DNAAF4: variants seen among roughly 807,000 people sequenced by gnomAD.
The protein encoded by DNAAF4 is dynein assembly factor 4, axonemal.
A neutral mutation model predicts 51.8 loss-of-function variants in DNAAF4; 43 were observed. That is an observed-to-expected ratio of 0.83 (90% CI 0.65 to 1.07). The LOEUF is 1.07. Among genes scored for constraint, DNAAF4 ranks in the 50% least tolerant of loss-of-function variants. The pLI is 0.00. For missense variants in DNAAF4, 581 were observed against 493.0 expected (o/e 1.18, Z -1.69); for synonymous variants, 194 against 165.6 (o/e 1.17, Z -1.32).
At chr15:55,481,319 C>T (rs141495675) in intron 4 of DNAAF4, among the ~76,000 whole-genome samples, 124 of 152,246 alleles carry the variant, frequency 8.1e-4, no homozygotes, top group Middle Eastern at 6.8e-3. Flanking sequence ...GCTGACCAGG[C>T]CTCTAAAATA....
At chr15:55,435,419 T>TC (rs1228467867) in intron 7 of DNAAF4, among the ~76,000 whole-genome samples, 1 of 152,144 alleles carries the variant, frequency 6.6e-6, no homozygotes, top group East Asian at 1.9e-4. Context: ...GGCAAATTTC[T>TC]CCCCCTGCTG....
chr15:55,500,516 T>C (rs1409268178), intron 1 of DNAAF4, among the ~76,000 whole-genome samples: 1 of 152,156 alleles, frequency 6.6e-6, no homozygotes, highest in African/African-American at 2.4e-5. Context: ...TATACAGAAA[T>C]ATGTGAGATT....
At chr15:55,475,636 G>C (rs2058325492) in intron 4 of DNAAF4, among the ~76,000 whole-genome samples, 1 of 152,122 alleles carries the variant, frequency 6.6e-6, no homozygotes, top group South Asian at 2.1e-4. Flanking sequence ...CACTTCCTTT[G>C]AGCATTGTGT....
chr15:55,443,498 C>T (rs184762169), intron 6 of DNAAF4: 8 of 502,820 alleles, frequency 1.6e-5, no homozygotes, highest in African/African-American at 7.7e-5. Context: ...AATAGTGCTG[C>T]AATAAACATA....
At chr15:55,450,521 T>C (rs2057915981) in intron 5 of DNAAF4, among the ~76,000 whole-genome samples, 154 bp from the exon 6 acceptor site, 1 of 152,192 alleles carries the variant, frequency 6.6e-6, no homozygotes, top group South Asian at 2.1e-4. Flanking sequence ...AATTTAGCAA[T>C]GATAATATAG....
chr15:55,428,742 G>T (rs920343384), downstream of DNAAF4, among the ~76,000 whole-genome samples: 23 of 150,984 alleles, frequency 1.5e-4, no homozygotes, highest in Non-Finnish European at 1.6e-4. Flanking sequence ...TGATCTGCCT[G>T]CCTCAGCCTC....
chr15:55,450,233 C>T lies in DNAAF4; in HGVS notation c.772G>A (p.Glu258Lys). The T allele has an allele frequency of 6.2e-7, 1 of 1,610,874 alleles. No homozygotes were observed. ...GTAAGTATATATACCTCCTCCTCTT[C>T]TGCTACTTGTGATTCACGAAGAGCT... is the stretch of plus-strand genomic sequence containing the variant. ...PTALRESQVAEEEEWLHKQAE... is the reference protein window; with the variant it reads ...PTALRESQVAKEEEWLHKQAE... Residue 258 changes from glutamate to lysine, a missense_variant, in exon 6 of 10, where the codon GAA becomes AAA. Coordinates refer to ENST00000321149, the MANE Select transcript of DNAAF4 (RefSeq NM_130810.4).
At chr15:55,456,920 G>A (rs1272227982) in intron 5 of DNAAF4, among the ~76,000 whole-genome samples, 1 of 152,212 alleles carries the variant, frequency 6.6e-6, no homozygotes, top group African/African-American at 2.4e-5. Context: ...AGAGGTCCTT[G>A]GAGACGGGAA....
chr15:55,463,213 A>C (rs561516590), intron 5 of DNAAF4, among the ~76,000 whole-genome samples: 4 of 108,940 alleles, frequency 3.7e-5, no homozygotes, highest in African/African-American at 1.1e-4. Context: ...CACACACACA[A>C]AGCATTTGAC....
intron 1 of DNAAF4, among the ~76,000 whole-genome samples, chr15:55,504,789 TA>T (rs1312186313): frequency 2.6e-5 from 4 of 152,208 alleles, no homozygotes; most frequent in Non-Finnish European, 5.9e-5. Context: ...ATTAAAGACT[TA>T]AATGTAAGAC....
intron 5 of DNAAF4, among the ~76,000 whole-genome samples, chr15:55,456,082 CTT>C (rs772918466): frequency 5.7e-5 from 8 of 141,304 alleles, no homozygotes; most frequent in Non-Finnish European, 7.8e-5. Context: ...CTAAATATTT[CTT>C]TTTTTTTTTT....
In DNAAF4 at chr15:55,434,892, T is replaced by C. The variant is rs199684316; in HGVS notation, c.1047+13A>G. 38 of 1,592,474 alleles carry C rather than the reference T, an allele frequency of 2.4e-5. No homozygotes were observed. In the African/African-American group the frequency reaches 4.7e-4, roughly 20 times the overall value. On this transcript the variant is annotated intron_variant, in intron 8 of 9. Transcript: ENST00000321149. ...TATTTAAAGCACCATATATCATACATAGATATCCATACCTTAGAAGAATCT... is the reference window on the plus strand; with the variant it reads ...TATTTAAAGCACCATATATCATACACAGATATCCATACCTTAGAAGAATCT...
chr15:55,472,883 C>G (rs1450557249), intron 4 of DNAAF4, among the ~76,000 whole-genome samples: 2 of 151,546 alleles, frequency 1.3e-5, no homozygotes, highest in African/African-American at 2.4e-5. Context: ...TTAGCAAACT[C>G]AGCCCGGCAT....
At chr15:55,507,500 G>T (rs996635564) in intron 1 of DNAAF4, among the ~76,000 whole-genome samples, 8 of 152,152 alleles carry the variant, frequency 5.3e-5, no homozygotes, top group Admixed American at 1.3e-4. Context: ...TCACAGCATG[G>T]TTTCTACTGA....
At chr15:55,488,125 T>C (rs1215283566) in intron 4 of DNAAF4, among the ~76,000 whole-genome samples, 1 of 151,906 alleles carries the variant, frequency 6.6e-6, no homozygotes, top group Non-Finnish European at 1.5e-5. Context: ...TTTTTCTTTT[T>C]TTTTTTTTGC....
intron 1 of DNAAF4, among the ~76,000 whole-genome samples, chr15:55,505,533 T>C (rs2058722590): frequency 6.6e-6 from 1 of 152,054 alleles, no homozygotes; most frequent in African/African-American, 2.4e-5. Flanking sequence ...CCATCAATAA[T>C]AGACTGGATA....
intron 7 of DNAAF4, among the ~76,000 whole-genome samples, chr15:55,420,981 C>A (rs7174186): frequency 2.2e-4 from 33 of 152,018 alleles, no homozygotes; most frequent in Non-Finnish European, 3.8e-4. Context: ...TTGAGGTCAG[C>A]AGGTCGAGAC....
At chr15:55,464,832 G>A in intron 5 of DNAAF4, among the ~76,000 whole-genome samples, 1 of 152,162 alleles carries the variant, frequency 6.6e-6, no homozygotes, top group South Asian at 2.1e-4. Flanking sequence ...GTACATGCCT[G>A]TAATCCTAGC....
rs1211002087 is a variant in DNAAF4 at position 55,420,983 on chromosome 15, G to A, written c.1048-2850C>T. On this transcript the variant is annotated intron_variant, in intron 7 of 7. Transcript: ENST00000448430. Reference sequence around the variant, plus strand: ...ACGGGCAGATCACTTGAGGTCAGCAGGTCGAGACCAGCCTAGCCAACATGA... The same window carrying A: ...ACGGGCAGATCACTTGAGGTCAGCAAGTCGAGACCAGCCTAGCCAACATGA... Among the ~76,000 whole-genome samples, 6 of 151,894 alleles carry A rather than the reference G, an allele frequency of 4.0e-5. No homozygotes were observed. In the East Asian group the frequency reaches 9.7e-4, roughly 24 times the overall value.
Sources: allele counts gnomAD v4.1 joint callset (sites outside exome capture counted in the v4.1 genomes callset), GRCh38; gene constraint gnomAD v4.1.1; transcripts MANE v1.5; gene names NCBI Gene and HGNC (gene_info 2026-07-23, HGNC 2026-07-21).